Variants in DDX17 observed in about 807,000 individuals in gnomAD.
DDX17 encodes DEAD-box helicase 17, also known as probable ATP-dependent RNA helicase DDX17.
DDX17 carries 10 observed loss-of-function variants against 80.8 expected under a neutral mutation model. The observed-to-expected ratio is 0.12, with a 90% CI of 0.08 to 0.21. The LOEUF (loss-of-function observed/expected upper bound fraction) is 0.21, where lower values mean the gene tolerates loss of function less well. DDX17 is among the 10% of genes least tolerant of loss of function. The pLI is 1.00. For missense variants in DDX17, 586 were observed against 957.4 expected (o/e 0.61, Z 5.12); for synonymous variants, 339 against 336.2 (o/e 1.01, Z -0.09).
intron 11 of DDX17, chr22:38,490,054 A>G: frequency 9.5e-7 from 1 of 1,051,548 alleles, no homozygotes. Flanking sequence ...TGCTCAATAG[A>G]GGGCAGACAT....
rs1255402842 is a variant in DDX17 at position 38,505,987 on chromosome 22, C to G, written c.251G>C (p.Gly84Ala). Residue 84 changes from glycine to alanine, a missense_variant, in exon 1 of 13, where the codon GGC (glycine) becomes GCC (alanine). This residue lies in a region of DDX17 where 215 missense variants were observed against 238.4 expected (regional missense o/e 0.90). Transcript: ENST00000403230. ...ACGATCCCGGTCCCGGTCCCCAAAGCCTCCTCCGCGCATGGTCCCAAAAGG... is the reference window on the plus strand; with the variant it reads ...ACGATCCCGGTCCCGGTCCCCAAAGGCTCCTCCGCGCATGGTCCCAAAAGG... 11 of 1,593,360 alleles carry G rather than the reference C, an allele frequency of 6.9e-6. No homozygotes were observed. Among genetic ancestry groups the G allele is most frequent in the Non-Finnish European group, 9.4e-6 (11 of 1,170,398 alleles).
chr22:38,494,937 C>T lies in DDX17; in HGVS notation c.990G>A (p.Met330Ile). 1 of 1,614,230 alleles carries T rather than the reference C, an allele frequency of 6.2e-7. No individual in the cohort carries two copies. The change falls in exon 7 of 13, where the codon ATG (methionine) becomes ATA (isoleucine). Residue 330 changes from methionine to isoleucine, a missense_variant. Met to Ile is a conservative substitution (Grantham distance 10, BLOSUM62 1). Transcript: ENST00000403230. Reference sequence around the variant, plus strand: ...TCTGGGGTTCAAACCCCATATCAAGCATTCTGTCAGCTTCGTCCAATACAA... The same window carrying T: ...TCTGGGGTTCAAACCCCATATCAAGTATTCTGTCAGCTTCGTCCAATACAA...
In DDX17 at chr22:38,489,229, G is replaced by T; in HGVS notation, c.1448-1114C>A. On this transcript the variant is annotated intron_variant, in intron 11 of 12. Transcript: ENST00000403230. This position sits in a 1 kb window ranked among gnomAD's most constrained non-coding sequence, Gnocchi z 4.6. Reference sequence around the variant, plus strand: ...AACATTCTCTGTTTGTTACCAGACCGATGCACACTCCCTCCTCCTTTGGGA... The same window carrying T: ...AACATTCTCTGTTTGTTACCAGACCTATGCACACTCCCTCCTCCTTTGGGA... 1 of 985,720 alleles carries T rather than the reference G, an allele frequency of 1.0e-6. No individual in the cohort carries two copies. The highest frequency in any genetic ancestry group is 1.2e-6 in the Non-Finnish European group (1 of 829,916). The allele number at this position is 985,720 out of a possible 1,614,324, so 61.1% of individuals were successfully genotyped here. A position where few individuals can be genotyped will look rare whatever the true frequency, so the allele number is the denominator to read the frequency against.
In DDX17 at chr22:38,485,864, A is replaced by G. The variant is rs545064874; in HGVS notation, c.*71T>C. 2.8e-4 allele frequency: 392 copies of G among 1,381,820 alleles called. 6 individuals are homozygous for G. The South Asian group carries it at 5.7e-3, about 20-fold the overall frequency. The allele number at this position is 1,381,820 out of a possible 1,614,324, so 85.6% of individuals were successfully genotyped here. On this transcript the variant is annotated 3_prime_UTR_variant, in exon 13 of 13. Transcript: ENST00000403230. ...GAAAAAAAAAGAAAAGGCGAAGAGG[A>G]AAAAAAAAGGAAAGACAGTGTTCCT... is the stretch of plus-strand genomic sequence containing the variant.
chr22:38,486,937 T>G (rs2089665347), intron 12 of DDX17, among the ~76,000 whole-genome samples: 1 of 151,930 alleles, frequency 6.6e-6, no homozygotes, highest in Non-Finnish European at 1.5e-5. Context: ...CTTTGGGAGA[T>G]CAAGGCAGGA....
chr22:38,499,889 G>A (rs1374472969), intron 2 of DDX17, among the ~76,000 whole-genome samples: 1 of 152,130 alleles, frequency 6.6e-6, no homozygotes, highest in Non-Finnish European at 1.5e-5. Context: ...TGTTGGCTGG[G>A]CACGGTGGCT....
At chr22:38,502,543 CTTAT>C (rs36024848) in intron 1 of DDX17, among the ~76,000 whole-genome samples, 37,888 of 151,784 alleles carry the variant, frequency 0.25, 5,297 homozygotes, top group East Asian at 0.36. Context: ...ACTAACAAGA[CTTAT>C]TTAAGGCTTT....
intron 8 of DDX17, 125 bp from the exon 9 acceptor site, chr22:38,494,256 A>C (rs186470819): frequency 9.1e-5 from 62 of 681,336 alleles, no homozygotes; most frequent in African/African-American, 9.0e-4. Flanking sequence ...AATTTTTAAT[A>C]ACTATTAGAG....
At chr22:38,505,651 C>T (rs1024596424) in intron 1 of DDX17, 1 of 379,036 alleles carries the variant, frequency 2.6e-6, no homozygotes, top group African/African-American at 2.1e-5. Flanking sequence ...AAAGCCCGGG[C>T]CTGGGCTGAT....
At chr22:38,502,229 A>T (rs2145710564) in intron 1 of DDX17, among the ~76,000 whole-genome samples, 1 of 152,240 alleles carries the variant, frequency 6.6e-6, no homozygotes, top group East Asian at 1.9e-4. Context: ...TGGCCAATAT[A>T]GTGAAACCCT....
Position 38,484,315 on chromosome 22 carries a change from T to C in DDX17, c.*1620A>G, listed in dbSNP as rs2089633022. 6.6e-6 allele frequency: 1 copy of C among 152,482 alleles called. No individual in the cohort carries two copies. Among genetic ancestry groups the C allele is most frequent in the South Asian group, 2.1e-4 (1 of 4,830 alleles). The allele number at this position is 152,482 out of a possible 1,614,324, so 9.4% of individuals were successfully genotyped here. On this transcript the variant is annotated 3_prime_UTR_variant, in exon 13 of 13. Transcript: ENST00000403230. The stretch of plus-strand genomic sequence containing the variant: ...ATTAAAAAAAAAGATGTCAAAGTTT[T>C]TACATGCATATATTTCAGCTTATGC...
intron 1 of DDX17, among the ~76,000 whole-genome samples, chr22:38,502,286 G>A (rs964950799): frequency 7.9e-5 from 12 of 151,920 alleles, no homozygotes; most frequent in African/African-American, 2.9e-4. Flanking sequence ...GGTGGTGCAC[G>A]CCTGTAATCC....
At chr22:38,495,766 T>A (rs747630772) in intron 6 of DDX17, 30 bp downstream of exon 6, 2 of 1,454,364 alleles carry the variant, frequency 1.4e-6, no homozygotes, top group Non-Finnish European at 1.8e-6. Flanking sequence ...TAAGATAAAC[T>A]AACAATTCTT....
chr22:38,486,910 C>A (rs1276301343), intron 12 of DDX17, among the ~76,000 whole-genome samples: 2 of 152,232 alleles, frequency 1.3e-5, no homozygotes, highest in African/African-American at 2.4e-5. Context: ...CACTGGCTCA[C>A]TCTCGTAATC....
At chr22:38,494,165 A>ATAATAACTTTCTGTGT in intron 8 of DDX17, 34 bp from the exon 9 acceptor site, 1 of 1,429,080 alleles carries the variant, frequency 7.0e-7, no homozygotes, top group Non-Finnish European at 9.9e-7. Flanking sequence ...GTCATCACAC[A>ATAATAACTTTCTGTGT]GAAAGTTATT....
At chr22:38,488,181 G>A in intron 11 of DDX17, 66 bp from the exon 12 acceptor site, 1 of 1,609,706 alleles carries the variant, frequency 6.2e-7, no homozygotes, top group Non-Finnish European at 8.5e-7. Context: ...TAAAGGACAT[G>A]CCAACAACAG....
rs1292051918 is a variant in DDX17 at position 38,483,804 on chromosome 22, C to G, written c.*2131G>C. ...ATAAAACGATTCTTCTGCTCATGTT[C>G]TGAAGCCAACAGCAGAACCTGAATT... is the stretch of plus-strand genomic sequence containing the variant. On this transcript the variant is annotated 3_prime_UTR_variant, in exon 13 of 13. Coordinates refer to ENST00000403230, the MANE Select transcript of DDX17 (RefSeq NM_006386.5). 2.0e-5 allele frequency: 3 copies of G among 152,186 alleles called. No individual in the cohort carries two copies. The highest frequency in any genetic ancestry group is 7.2e-5 in the African/African-American group (3 of 41,448). 9.4% of individuals were successfully genotyped at this position (152,186 alleles called of 1,614,324 possible).
chr22:38,491,948 A>G (rs2089718033), intron 11 of DDX17, 108 bp downstream of exon 11: 1 of 652,932 alleles, frequency 1.5e-6, no homozygotes, highest in African/African-American at 1.9e-5. Context: ...ATATTTATCT[A>G]ACCACATGTA....
intron 10 of DDX17, 166 bp downstream of exon 10, chr22:38,493,544 C>G (rs1473728870): frequency 1.6e-6 from 1 of 612,734 alleles, no homozygotes; most frequent in African/African-American, 1.9e-5. Flanking sequence ...CCTAAAACAG[C>G]AGTGCTGAGT....
Sources: allele counts gnomAD v4.1 joint callset (sites outside exome capture counted in the v4.1 genomes callset), GRCh38; gene constraint gnomAD v4.1.1; regional missense constraint gnomAD v4.1.1; non-coding constraint Gnocchi (gnomAD v3.1); transcripts MANE v1.5; gene names NCBI Gene and HGNC (gene_info 2026-07-23, HGNC 2026-07-21).